The following RBM48 variants were observed in gnomAD, a reference collection of about 807,000 sequenced individuals.
The protein encoded by RBM48 is RNA binding motif protein 48.
In RBM48, 32 loss-of-function variants were observed where a neutral mutation model predicts 34.8. The observed-to-expected ratio is 0.92, with a 90% confidence interval of 0.69 to 1.23. RBM48 has a LOEUF of 1.23. RBM48 is among the 50% of genes most tolerant of loss of function. The probability of loss-of-function intolerance (pLI) is 0.00; values close to 1 mark genes in which losing one functional copy is unlikely to be tolerated. For missense variants in RBM48, 441 were observed against 447.2 expected (o/e 0.99, Z 0.12); for synonymous variants, 151 against 156.2 (o/e 0.97, Z 0.25).
rs1023360739 is a variant in RBM48, at chr7:92,537,493, A to G, written c.*556A>G. ...CAAATATGGAAACTTTACAATAGAA[A>G]TAAAGATAGGCAGCCAGCGTCTGTT... On this transcript the variant is annotated 3_prime_UTR_variant, in exon 5 of 5. Transcript: ENST00000265732. The G allele has an allele frequency of 1.3e-5, 2 of 152,260 alleles. No individual in the cohort carries two copies. Among genetic ancestry groups the G allele is most frequent in the African/African-American group, 2.4e-5 (1 of 41,468 alleles). 9.4% of individuals were successfully genotyped at this position (152,260 alleles called of 1,614,324 possible).
At position 92,534,985 on chromosome 7, in the gene RBM48, A is replaced by T. The variant is rs1265937105; in HGVS notation, c.1017+15A>T. ...AACTTAAAGAGGTAAGGTTATTTTT[A>T]AAAAACTATTCTAAGACACGATTTG... On this transcript the variant is annotated intron_variant, in intron 4 of 4. Transcript: ENST00000265732. 1.2e-6 allele frequency: 2 copies of T among 1,613,448 alleles called. No homozygotes were observed. The highest frequency in any genetic ancestry group is 1.7e-6 in the Non-Finnish European group (2 of 1,179,628).
chr7:92,535,560 A>C, intron 4 of RBM48: 1 of 985,594 alleles, frequency 1.0e-6, no homozygotes, highest in Non-Finnish European at 1.2e-6. Flanking sequence ...TCCTAAGCAC[A>C]AATGAAGTTA....
At chr7:92,536,583 A>C in intron 4 of RBM48, 1 of 1,069,630 alleles carries the variant, frequency 9.3e-7, no homozygotes, top group East Asian at 6.3e-5. Context: ...CTATAAAGGA[A>C]TGTTAAAGTA....
intron 4 of RBM48, chr7:92,535,876 A>G (rs1793698928): frequency 5.3e-6 from 5 of 941,998 alleles, no homozygotes; most frequent in Non-Finnish European, 6.3e-6. Context: ...GCCTCACACC[A>G]ATAACTTCAG....
At chr7:92,532,177 C>T (rs920760034) in intron 2 of RBM48, among the ~76,000 whole-genome samples, 5 of 151,992 alleles carry the variant, frequency 3.3e-5, no homozygotes, top group Admixed American at 2.6e-4. Context: ...GACTAGGGAA[C>T]AAAGAGGCTC....
At chr7:92,529,756 T>C (rs1220799526) in intron 2 of RBM48, 90 bp downstream of exon 2, 9 of 751,972 alleles carry the variant, frequency 1.2e-5, no homozygotes, top group African/African-American at 5.3e-5. Flanking sequence ...CATTCATAAC[T>C]GAATTACCCC....
At chr7:92,529,194 A>ACT (rs1793469772) in intron 1 of RBM48, 1 of 574,180 alleles carries the variant, frequency 1.7e-6, no homozygotes, top group African/African-American at 1.9e-5. Context: ...GTAAGCACTC[A>ACT]GTGAATATTC....
rs1168761965 is a variant in RBM48, at chr7:92,538,688, C to T, written c.*1751C>T. Among the ~76,000 whole-genome samples the T allele has an allele frequency of 6.6e-6, 1 of 152,186 alleles. No individual in the cohort carries two copies. The highest frequency in any genetic ancestry group is 1.9e-4 in the East Asian group (1 of 5,198). On this transcript the variant is annotated 3_prime_UTR_variant, in exon 5 of 5. Coordinates refer to ENST00000265732, the MANE Select transcript of RBM48 (RefSeq NM_032120.4). ...TTCTCAGACTATAAGTTGCTATGAT[C>T]TCCACCTCAGGATCTTGTTAAAATG...
intron 2 of RBM48, among the ~76,000 whole-genome samples, chr7:92,530,092 G>A (rs1793520973): frequency 6.6e-6 from 1 of 150,510 alleles, no homozygotes; most frequent in African/African-American, 2.5e-5. Flanking sequence ...CAGGAGAATC[G>A]CTTGAAACCG....
chr7:92,534,854 A>T lies in RBM48; in HGVS notation c.901A>T (p.Asn301Tyr). The change falls in exon 4 of 5, where the codon AAC becomes TAC. Residue 301 changes from asparagine to tyrosine, a missense_variant. Physicochemically the swap from Asn to Tyr is moderately radical, Grantham distance 143. Transcript: ENST00000265732. ...DRKLGTFLQTNPTGNEIMIGP... is the reference protein window; with the variant it reads ...DRKLGTFLQTYPTGNEIMIGP... Reference sequence around the variant, plus strand: ...TAAACTTGGAACTTTTCTTCAAACAAACCCAACTGGTAATGAGATTATGAT... The same window carrying T: ...TAAACTTGGAACTTTTCTTCAAACATACCCAACTGGTAATGAGATTATGAT... 6.2e-7 allele frequency: 1 copy of T among 1,614,214 alleles called. No homozygotes were observed. The highest frequency in any genetic ancestry group is 1.1e-5 in the South Asian group (1 of 91,086).
chr7:92,536,994 C>T lies in RBM48; in HGVS notation c.*57C>T. The stretch of plus-strand genomic sequence containing the variant: ...AGAACATTTATTATTTATTTTTAGC[C>T]TGTCATTTTAATTCTTCAAGAGATT... On this transcript the variant is annotated 3_prime_UTR_variant, in exon 5 of 5. Coordinates refer to ENST00000265732, the MANE Select transcript of RBM48 (RefSeq NM_032120.4). The T allele has an allele frequency of 7.8e-7, 1 of 1,284,232 alleles. No homozygotes were observed. The highest frequency in any genetic ancestry group is 1.1e-6 in the Non-Finnish European group (1 of 934,834). 79.6% of individuals were successfully genotyped at this position (1,284,232 alleles called of 1,614,324 possible).
At chr7:92,535,424 A>T (rs756284439) in intron 4 of RBM48, 42 of 1,011,374 alleles carry the variant, frequency 4.2e-5, no homozygotes, top group Non-Finnish European at 4.7e-5. Context: ...AGGTGGTGAG[A>T]TTTCTAAAAA....
intron 2 of RBM48, among the ~76,000 whole-genome samples, chr7:92,530,177 CA>C (rs539616414): frequency 0.26 from 19,810 of 76,006 alleles, 1,521 homozygotes; most frequent in East Asian, 0.48. Context: ...AGCTCTGCCT[CA>C]AAAAAAAAAA....
intron 4 of RBM48, chr7:92,535,187 A>G (rs1793681276): frequency 7.1e-7 from 1 of 1,415,978 alleles, no homozygotes; most frequent in South Asian, 1.6e-5. Context: ...GACATTTTAT[A>G]TCACTGTAGA....
chr7:92,535,606 G>A lies in RBM48; in HGVS notation c.1017+636G>A, dbSNP rs1793690919. 7 of 985,156 alleles carry A rather than the reference G, an allele frequency of 7.1e-6. No individual in the cohort carries two copies. In the South Asian group the frequency reaches 2.8e-4, roughly 40 times the overall value. 61.0% of individuals were successfully genotyped at this position (985,156 alleles called of 1,614,324 possible). A position where few individuals can be genotyped will look rare whatever the true frequency, so the allele number is the denominator to read the frequency against. ...TAGCTTTTGAAAGACACCTTTTTGT[G>A]GGGTAGGGACTACTGTTACAAATCA... is the stretch of plus-strand genomic sequence containing the variant. On this transcript the variant is annotated intron_variant, in intron 4 of 4. Coordinates refer to ENST00000265732, the MANE Select transcript of RBM48 (RefSeq NM_032120.4).
intron 2 of RBM48, among the ~76,000 whole-genome samples, chr7:92,530,510 T>G (rs1344047022): frequency 6.7e-6 from 1 of 148,254 alleles, no homozygotes; most frequent in Non-Finnish European, 1.5e-5. Context: ...AAAAAAAAAA[T>G]TCTGGTTTGA....
At position 92,534,396 on chromosome 7, in the gene RBM48, A is replaced by G; in HGVS notation, c.449-6A>G. On this transcript the variant is annotated splice_polypyrimidine_tract_variant and splice_region_variant and intron_variant, in intron 3 of 4. Transcript: ENST00000265732. ...TTTCCCTCAACTTTTAAATTGTAAT[A>G]TAAAGACCATTACGTGACAAAGAAG... 6.2e-7 allele frequency: 1 copy of G among 1,605,162 alleles called. No homozygotes were observed. Among genetic ancestry groups the G allele is most frequent in the Non-Finnish European group, 8.5e-7 (1 of 1,175,648 alleles).
At chr7:92,535,016 A>C in intron 4 of RBM48, 46 bp downstream of exon 4, 1 of 1,600,130 alleles carries the variant, frequency 6.2e-7, no homozygotes, top group Non-Finnish European at 8.5e-7. Context: ...ATTTGGTTAT[A>C]GGATTAAATG....
chr7:92,529,333 C>T (rs1195746980), intron 1 of RBM48, 143 bp from the exon 2 acceptor site: 5 of 591,000 alleles, frequency 8.5e-6, no homozygotes, highest in Non-Finnish European at 1.2e-5. Flanking sequence ...GAAGGAATGG[C>T]AGAAATTTCA....
Sources: gnomAD v4.1 joint callset for allele counts (sites outside exome capture counted in the v4.1 genomes callset) on GRCh38, gnomAD v4.1.1 for gene constraint, MANE v1.5 for transcripts, NCBI Gene and HGNC (gene_info 2026-07-23, HGNC 2026-07-21) for gene names.